HCN1: variants seen among roughly 807,000 people sequenced by gnomAD.
HCN1 encodes potassium/sodium hyperpolarization-activated cyclic nucleotide-gated channel 1.
HCN1 carries 13 observed loss-of-function variants against 78.9 expected under a neutral mutation model. The observed-to-expected ratio is 0.16, with a 90% CI of 0.11 to 0.26. The LOEUF (loss-of-function observed/expected upper bound fraction) is 0.26, where lower values mean the gene tolerates loss of function less well. Ranked by LOEUF, HCN1 falls within the 10% of genes least tolerant of loss-of-function variation. The probability of loss-of-function intolerance (pLI) is 1.00; values close to 1 mark genes in which losing one functional copy is unlikely to be tolerated. For missense variants in HCN1, 810 were observed against 1,154.3 expected, an observed-to-expected ratio of 0.70 and a Z score of 4.32; for synonymous variants, 552 against 455.5, an observed-to-expected ratio of 1.21 and a Z score of -2.70.
At chr5:45,525,517 C>T (rs1158962990) in intron 2 of HCN1, among the ~76,000 whole-genome samples, 18 of 151,510 alleles carry the variant, frequency 1.2e-4, no homozygotes, top group Non-Finnish European at 1.3e-4. Flanking sequence ...TATATTCCGT[C>T]TGTACAAATC....
At chr5:45,482,751 G>A (rs931158171) in intron 2 of HCN1, among the ~76,000 whole-genome samples, 5 of 151,876 alleles carry the variant, frequency 3.3e-5, no homozygotes, top group South Asian at 2.1e-4. Flanking sequence ...TTTTCAACCC[G>A]CCCCTCTTCC....
chr5:45,387,292 A>G (rs1224838092), intron 4 of HCN1, among the ~76,000 whole-genome samples: 1 of 152,040 alleles, frequency 6.6e-6, no homozygotes, highest in Non-Finnish European at 1.5e-5. Flanking sequence ...TCTTACTCTC[A>G]TATTATTGTT....
intron 2 of HCN1, among the ~76,000 whole-genome samples, chr5:45,533,035 T>C (rs1469693961): frequency 6.6e-6 from 1 of 152,174 alleles, no homozygotes; most frequent in Admixed American, 6.5e-5. Flanking sequence ...TGAGTCTTAA[T>C]GAGTTCAGGG....
intron 5 of HCN1, among the ~76,000 whole-genome samples, chr5:45,350,197 C>T (rs1002857961): frequency 4.6e-5 from 7 of 152,090 alleles, no homozygotes; most frequent in Admixed American, 6.6e-5. Context: ...GGCTTCATCC[C>T]TGGGATGCAA....
chr5:45,298,372 C>T (rs1413023426), intron 6 of HCN1, among the ~76,000 whole-genome samples: 3 of 151,946 alleles, frequency 2.0e-5, no homozygotes, highest in Non-Finnish European at 4.4e-5. Context: ...TTACCATTCT[C>T]CAATTACAGA....
At chr5:45,513,077 G>A (rs758811084) in intron 2 of HCN1, among the ~76,000 whole-genome samples, 5 of 151,856 alleles carry the variant, frequency 3.3e-5, no homozygotes, top group African/African-American at 7.3e-5. Context: ...ATTATATTTC[G>A]AAGACACCCA....
chr5:45,555,951 C>T (rs936492377), intron 2 of HCN1, among the ~76,000 whole-genome samples: 3 of 151,762 alleles, frequency 2.0e-5, no homozygotes, highest in Non-Finnish European at 4.4e-5. Flanking sequence ...AGACGATACA[C>T]TAAGGAAAAG....
intron 6 of HCN1, among the ~76,000 whole-genome samples, chr5:45,282,291 T>C (rs1006729466): frequency 6.6e-6 from 1 of 152,226 alleles, no homozygotes; most frequent in Non-Finnish European, 1.5e-5. Flanking sequence ...AATATCAATG[T>C]AAAACATGTT....
chr5:45,573,680 T>TA (rs552560135), intron 2 of HCN1, among the ~76,000 whole-genome samples: 71 of 151,884 alleles, frequency 4.7e-4, no homozygotes, highest in African/African-American at 1.5e-3. Flanking sequence ...ACTATATACT[T>TA]AAAAAAAATC....
At chr5:45,563,044 T>C (rs1743636461) in intron 2 of HCN1, among the ~76,000 whole-genome samples, 1 of 152,216 alleles carries the variant, frequency 6.6e-6, no homozygotes, top group African/African-American at 2.4e-5. Context: ...ATTGTAAACA[T>C]TTTGAAGTTT....
chr5:45,283,931 T>C (rs553933154), intron 6 of HCN1, among the ~76,000 whole-genome samples: 1 of 152,218 alleles, frequency 6.6e-6, no homozygotes, highest in South Asian at 2.1e-4. Context: ...GAAAATGCAG[T>C]ATATAGACAT....
chr5:45,413,123 A>C (rs1197354606), intron 3 of HCN1, among the ~76,000 whole-genome samples: 1 of 152,046 alleles, frequency 6.6e-6, no homozygotes, highest in Non-Finnish European at 1.5e-5. Context: ...AAGGACAAAA[A>C]ATAAGATGCG....
At chr5:45,450,718 C>T (rs1235215585) in intron 3 of HCN1, among the ~76,000 whole-genome samples, 2 of 152,086 alleles carry the variant, frequency 1.3e-5, no homozygotes, top group African/African-American at 4.8e-5. Flanking sequence ...CATCCATAAA[C>T]TTATATTGTT....
At chr5:45,455,402 A>G (rs1212440428) in intron 3 of HCN1, among the ~76,000 whole-genome samples, 1 of 151,988 alleles carries the variant, frequency 6.6e-6, no homozygotes, top group African/African-American at 2.4e-5. Flanking sequence ...AGTTTTTAGT[A>G]CCCAGAAAAG....
chr5:45,351,124 T>A (rs1457784546), intron 5 of HCN1, among the ~76,000 whole-genome samples: 2 of 152,062 alleles, frequency 1.3e-5, no homozygotes, highest in African/African-American at 2.4e-5. Context: ...GACTTCAAAC[T>A]ATACTACAAG....
chr5:45,579,890 T>C (rs1744022772), intron 2 of HCN1, among the ~76,000 whole-genome samples: 1 of 152,126 alleles, frequency 6.6e-6, no homozygotes, highest in African/African-American at 2.4e-5. Context: ...GACTGATTTA[T>C]AGGAGATGAT....
At chr5:45,647,584 C>G (rs1475070264) in intron 1 of HCN1, among the ~76,000 whole-genome samples, 1 of 152,046 alleles carries the variant, frequency 6.6e-6, no homozygotes, top group African/African-American at 2.4e-5. Flanking sequence ...TAACTGATGA[C>G]CCCAAAAGCT....
chr5:45,422,341 T>G lies in HCN1; in HGVS notation c.1012-25631A>C, dbSNP rs1426836168. Among the ~76,000 whole-genome samples the G allele has an allele frequency of 3.9e-5, 6 of 152,188 alleles. No homozygotes were observed. In the South Asian group the frequency reaches 8.3e-4, roughly 21 times the overall value. On this transcript the variant is annotated intron_variant, in intron 3 of 7. Transcript: ENST00000303230. The stretch of plus-strand genomic sequence containing the variant: ...CACATAAAACTTTGTTTAAATAAAT[T>G]TGTAATATTTTTCTCTTGTTAATAT...
At chr5:45,307,374 A>C (rs1031569812) in intron 5 of HCN1, among the ~76,000 whole-genome samples, 1 of 152,126 alleles carries the variant, frequency 6.6e-6, no homozygotes, top group Non-Finnish European at 1.5e-5. Flanking sequence ...CTTCCTTCAA[A>C]GAATACAATA....
Sources: allele counts gnomAD v4.1 joint callset (sites outside exome capture counted in the v4.1 genomes callset), GRCh38; gene constraint gnomAD v4.1.1; transcripts MANE v1.5; gene names NCBI Gene and HGNC (gene_info 2026-07-23, HGNC 2026-07-21).